The following CTNNA3 variants were observed in gnomAD, a reference collection of about 807,000 sequenced individuals.
CTNNA3 encodes the protein catenin alpha-3.
A neutral mutation model predicts 95.7 loss-of-function variants in CTNNA3; 76 were observed. That is an observed-to-expected ratio of 0.79 (90% CI 0.66 to 0.96). The LOEUF is 0.96. Among genes scored for constraint, CTNNA3 ranks in the 40% least tolerant of loss-of-function variants. CTNNA3 has a pLI of 0.00. For missense variants in CTNNA3, 1,191 were observed against 1,089.8 expected (o/e 1.09, Z -1.31); for synonymous variants, 431 against 374.4 (o/e 1.15, Z -1.74).
At chr10:67,221,636 G>A (rs1375689782) in intron 5 of CTNNA3, among the ~76,000 whole-genome samples, 13 of 151,822 alleles carry the variant, frequency 8.6e-5, no homozygotes, top group African/African-American at 1.9e-4. Context: ...GTACAGTGGC[G>A]CGATCTAGGC....
chr10:67,447,594 C>T (rs1392756150), intron 5 of CTNNA3, among the ~76,000 whole-genome samples: 1 of 152,114 alleles, frequency 6.6e-6, no homozygotes, highest in African/African-American at 2.4e-5. Context: ...TCTGTTTGGC[C>T]CATTTCCTCC....
intron 14 of CTNNA3, among the ~76,000 whole-genome samples, chr10:66,098,317 A>C (rs1318100277): frequency 6.6e-6 from 1 of 152,156 alleles, no homozygotes; most frequent in African/African-American, 2.4e-5. Flanking sequence ...GAAAGAGAAC[A>C]TGTTTGAGGC....
chr10:67,688,103 G>A (rs1840768618), intron 1 of CTNNA3, among the ~76,000 whole-genome samples: 1 of 152,162 alleles, frequency 6.6e-6, no homozygotes. Flanking sequence ...TCCAAGTGAG[G>A]TCAAAGGTTT....
intron 9 of CTNNA3, among the ~76,000 whole-genome samples, chr10:66,645,047 C>G (rs1337501669): frequency 6.6e-6 from 1 of 151,950 alleles, no homozygotes; most frequent in Non-Finnish European, 1.5e-5. Context: ...TAACATAATT[C>G]TTGGAGATTT....
chr10:67,630,193 T>G (rs183525631), intron 2 of CTNNA3, among the ~76,000 whole-genome samples: 94 of 152,320 alleles, frequency 6.2e-4, no homozygotes, highest in African/African-American at 2.2e-3. Context: ...GCAAAGGGAA[T>G]GTAATAGTTA....
chr10:66,172,433 A>T (rs2085481059), intron 13 of CTNNA3, among the ~76,000 whole-genome samples: 1 of 152,146 alleles, frequency 6.6e-6, no homozygotes, highest in South Asian at 2.1e-4. Flanking sequence ...GTTTTACATT[A>T]TCCTATGTAA....
At chr10:66,135,517 A>G (rs7899634) in intron 13 of CTNNA3, among the ~76,000 whole-genome samples, 31,543 of 152,120 alleles carry the variant, frequency 0.21, 3,393 homozygotes, top group South Asian at 0.4. Context: ...TTGTAGAAAA[A>G]TCACAGCTAA....
At chr10:66,389,946 G>A (rs1259784735) in intron 11 of CTNNA3, among the ~76,000 whole-genome samples, 4 of 152,060 alleles carry the variant, frequency 2.6e-5, no homozygotes, top group Admixed American at 2.0e-4. Flanking sequence ...ACGTTGCTCA[G>A]GCTGATATCG....
At chr10:66,060,553 T>C (rs576629513) in intron 15 of CTNNA3, among the ~76,000 whole-genome samples, 10 of 152,138 alleles carry the variant, frequency 6.6e-5, no homozygotes, top group African/African-American at 2.2e-4. Flanking sequence ...CTAAATGACA[T>C]AGCCAATCGG....
intron 4 of CTNNA3, among the ~76,000 whole-genome samples, chr10:67,532,424 T>C (rs1035715275): frequency 2.6e-5 from 4 of 152,178 alleles, no homozygotes; most frequent in African/African-American, 9.7e-5. Flanking sequence ...ATAGTCAGAA[T>C]TATTGTTTGT....
chr10:66,574,898 G>T (rs1197571104), intron 10 of CTNNA3, among the ~76,000 whole-genome samples: 1 of 152,006 alleles, frequency 6.6e-6, no homozygotes, highest in Non-Finnish European at 1.5e-5. Context: ...TTTAATGTTG[G>T]CCATCTTGTA....
At chr10:66,773,416 T>C (rs1840174142) in intron 8 of CTNNA3, among the ~76,000 whole-genome samples, 3 of 152,134 alleles carry the variant, frequency 2.0e-5, no homozygotes, top group Admixed American at 6.5e-5. Context: ...TGAAACAGCA[T>C]GAAAGAGATC....
intron 5 of CTNNA3, among the ~76,000 whole-genome samples, chr10:67,496,729 A>C (rs1246863496): frequency 2.0e-5 from 3 of 152,156 alleles, no homozygotes; most frequent in African/African-American, 7.2e-5. Context: ...TCAATTTTGG[A>C]ATACAGTTCA....
At chr10:66,550,034 G>A (rs751880408) in intron 10 of CTNNA3, among the ~76,000 whole-genome samples, 1 of 152,084 alleles carries the variant, frequency 6.6e-6, no homozygotes, top group South Asian at 2.1e-4. Flanking sequence ...TATTGCTGAC[G>A]TAGAGGTGTT....
intron 13 of CTNNA3, among the ~76,000 whole-genome samples, chr10:66,108,500 A>G (rs919084562): frequency 8.5e-5 from 13 of 152,112 alleles, no homozygotes; most frequent in Admixed American, 7.2e-4. Context: ...CAGTCTAACT[A>G]AAGTTAACCC....
chr10:66,879,489 A>T (rs929326182), intron 7 of CTNNA3, among the ~76,000 whole-genome samples: 2 of 152,132 alleles, frequency 1.3e-5, no homozygotes, highest in African/African-American at 4.8e-5. Flanking sequence ...TCAGGCATCT[A>T]TTCTCAATAA....
chr10:66,014,570 A>T (rs1179759041), intron 15 of CTNNA3, among the ~76,000 whole-genome samples: 1 of 152,172 alleles, frequency 6.6e-6, no homozygotes, highest in Non-Finnish European at 1.5e-5. Flanking sequence ...ATGACTATAA[A>T]TGTGTTTTTG....
chr10:66,386,807 C>T (rs956193151), intron 11 of CTNNA3, among the ~76,000 whole-genome samples: 1 of 152,142 alleles, frequency 6.6e-6, no homozygotes, highest in African/African-American at 2.4e-5. Context: ...CTACAACCAT[C>T]TGATCTTTGA....
At chr10:66,302,659 T>G (rs1322522874) in intron 12 of CTNNA3, among the ~76,000 whole-genome samples, 1 of 152,126 alleles carries the variant, frequency 6.6e-6, no homozygotes, top group Non-Finnish European at 1.5e-5. Context: ...TAATGTAAGA[T>G]GTTAACTTTA....
Sources: allele counts gnomAD v4.1 joint callset (sites outside exome capture counted in the v4.1 genomes callset), GRCh38; gene constraint gnomAD v4.1.1; transcripts MANE v1.5; gene names NCBI Gene and HGNC (gene_info 2026-07-23, HGNC 2026-07-21).